YES1: variants seen among roughly 807,000 people sequenced by gnomAD.
YES1 encodes tyrosine-protein kinase Yes.
Under a neutral mutation model 70.4 loss-of-function variants are expected in YES1, and 39 were observed. The observed-to-expected ratio is 0.55, with a 90% CI of 0.43 to 0.72. The LOEUF is 0.72. Among genes scored for constraint, YES1 ranks in the 30% least tolerant of loss-of-function variants. The pLI is 0.00. For synonymous variants in YES1, 198 were observed against 218.6 expected (o/e 0.91, Z 0.83); for missense variants, 495 against 644.8 (o/e 0.77, Z 2.52).
At chr18:744,555 A>G (rs2080255671) in intron 6 of YES1, among the ~76,000 whole-genome samples, 1 of 150,880 alleles carries the variant, frequency 6.6e-6, no homozygotes, top group Admixed American at 6.6e-5. Flanking sequence ...ACGCCTGGCT[A>G]AATTTTTTTA....
intron 1 of YES1, among the ~76,000 whole-genome samples, chr18:773,544 C>T (rs1347692607): frequency 2.0e-5 from 3 of 152,138 alleles, no homozygotes; most frequent in Admixed American, 6.6e-5. Flanking sequence ...AATTAAAAGG[C>T]TGGTAAGACA....
chr18:764,380 G>A (rs1358388365), intron 1 of YES1, among the ~76,000 whole-genome samples: 1 of 151,812 alleles, frequency 6.6e-6, no homozygotes, highest in African/African-American at 2.4e-5. Context: ...GTGCCACCAT[G>A]CCCGGCTAAT....
chr18:764,667 C>G (rs1904774789), intron 1 of YES1, among the ~76,000 whole-genome samples: 1 of 152,142 alleles, frequency 6.6e-6, no homozygotes, highest in Non-Finnish European at 1.5e-5. Context: ...GTTTAAAGCT[C>G]AGAAAAAGAT....
chr18:808,243 CGG>C (rs1042491334), intron 1 of YES1, among the ~76,000 whole-genome samples: 1 of 152,140 alleles, frequency 6.6e-6, no homozygotes, highest in Non-Finnish European at 1.5e-5. Context: ...ACGATATTGG[CGG>C]CAGCACTGGC....
intron 8 of YES1, among the ~76,000 whole-genome samples, 172 bp from the exon 9 acceptor site, chr18:739,983 C>A (rs2080198898): frequency 6.6e-6 from 1 of 152,066 alleles, no homozygotes; most frequent in South Asian, 2.1e-4. Flanking sequence ...GAAGAGGTCT[C>A]TAAGCTGAAA....
Position 799,107 on chromosome 18 carries a change from G to A in YES1, c.-9+13007C>T, listed in dbSNP as rs150235774. Reference sequence around the variant, plus strand: ...TTGCTTTATACCAATACTGTAACCCGAATTAAGATACCATCGATGCCCATA... The same window carrying A: ...TTGCTTTATACCAATACTGTAACCCAAATTAAGATACCATCGATGCCCATA... On this transcript the variant is annotated intron_variant, in intron 1 of 11. Transcript: ENST00000314574. 2.5e-3 allele frequency among the ~76,000 whole-genome samples: 374 copies of A among 152,226 alleles called. 2 individuals carry two copies. The highest frequency in any genetic ancestry group is 8.2e-3 in the African/African-American group (342 of 41,536).
At chr18:760,683 A>G (rs1288005631) in intron 1 of YES1, among the ~76,000 whole-genome samples, 1 of 152,206 alleles carries the variant, frequency 6.6e-6, no homozygotes, top group East Asian at 1.9e-4. Flanking sequence ...AGGAATTATA[A>G]GCTAAATATA....
chr18:725,490 A>G (rs1231111707), intron 11 of YES1, among the ~76,000 whole-genome samples: 1 of 152,172 alleles, frequency 6.6e-6, no homozygotes, highest in African/African-American at 2.4e-5. Flanking sequence ...CTCAAAATAC[A>G]TTTTTTAAAC....
At chr18:750,983 ATTG>A (rs749931620) in intron 3 of YES1, among the ~76,000 whole-genome samples, 18 of 152,172 alleles carry the variant, frequency 1.2e-4, no homozygotes, top group Non-Finnish European at 1.8e-4. Context: ...TCAATGAATG[ATTG>A]TTGTTATCAT....
chr18:798,883 C>T (rs1005901318), intron 1 of YES1, among the ~76,000 whole-genome samples: 2 of 150,982 alleles, frequency 1.3e-5, no homozygotes, highest in African/African-American at 2.4e-5. Flanking sequence ...AATATAAACC[C>T]GAGATGACAT....
chr18:736,607 G>A, intron 10 of YES1: 1 of 576,336 alleles, frequency 1.7e-6, no homozygotes, highest in Non-Finnish European at 2.9e-6. Context: ...ATAATGCAAA[G>A]GATACCTAGT....
chr18:811,712 C>G (rs1009955784), intron 1 of YES1, among the ~76,000 whole-genome samples: 2 of 152,248 alleles, frequency 1.3e-5, no homozygotes, highest in African/African-American at 4.8e-5. Context: ...ACACAGACCC[C>G]CAGCCTTTAG....
At chr18:774,758 A>G (rs1905297102) in intron 1 of YES1, among the ~76,000 whole-genome samples, 2 of 152,194 alleles carry the variant, frequency 1.3e-5, no homozygotes, top group Admixed American at 1.3e-4. Context: ...TTTTACAGGC[A>G]TGTCTCACAG....
At chr18:780,423 T>G (rs1905601304) in intron 1 of YES1, among the ~76,000 whole-genome samples, 1 of 151,998 alleles carries the variant, frequency 6.6e-6, no homozygotes, top group South Asian at 2.1e-4. Flanking sequence ...GGAAGAGAGA[T>G]CTTAGCTTAG....
At chr18:763,074 G>C (rs1358999297) in intron 1 of YES1, among the ~76,000 whole-genome samples, 1 of 152,212 alleles carries the variant, frequency 6.6e-6, no homozygotes, top group Non-Finnish European at 1.5e-5. Flanking sequence ...AGAATGAAAA[G>C]TGTACAGAAT....
Position 767,454 on chromosome 18 carries a change from T to C in YES1, c.-8-10619A>G, listed in dbSNP as rs1904965694. 2.0e-5 allele frequency among the ~76,000 whole-genome samples: 3 copies of C among 152,050 alleles called. No individual in the cohort carries two copies. In the South Asian group the frequency reaches 6.2e-4, roughly 32 times the overall value. On this transcript the variant is annotated intron_variant, in intron 1 of 11. Transcript: ENST00000314574. ...ACATAAGCCACAATGCCCGGCCCCATGTTCAATTTTTTAAAACTCGATATC... is the reference window on the plus strand; with the variant it reads ...ACATAAGCCACAATGCCCGGCCCCACGTTCAATTTTTTAAAACTCGATATC...
intron 1 of YES1, among the ~76,000 whole-genome samples, chr18:782,660 T>A (rs909147443): frequency 9.2e-5 from 14 of 152,216 alleles, no homozygotes; most frequent in Admixed American, 9.2e-4. Flanking sequence ...GACATCAATA[T>A]AAAACATGTA....
chr18:811,004 G>T (rs1163988630), intron 1 of YES1, among the ~76,000 whole-genome samples: 14 of 152,164 alleles, frequency 9.2e-5, no homozygotes, highest in Non-Finnish European at 2.9e-5. Context: ...GCACAGTCAC[G>T]TGTATACATT....
chr18:743,069 T>G lies in YES1; in HGVS notation c.909A>C (p.Ala303=). ...TTGTACCTGGTTTTAGTGTTTTGAT[T>G]GCTACTTTCGTGGTTCCATTCCATG... ...MGTWNGTTKV[A]IKTLKPGTMM... is the part of the protein sequence containing the mutation. The change falls in exon 8 of 12, where the codon GCA becomes GCC. Residue 303 remains alanine, a synonymous_variant. Coordinates refer to ENST00000314574, the MANE Select transcript of YES1 (RefSeq NM_005433.4). 5.6e-6 allele frequency: 9 copies of G among 1,601,568 alleles called. No homozygotes were observed. Among genetic ancestry groups the G allele is most frequent in the Non-Finnish European group, 7.6e-6 (9 of 1,176,956 alleles).
Sources: gnomAD v4.1 joint callset for allele counts (sites outside exome capture counted in the v4.1 genomes callset) on GRCh38, gnomAD v4.1.1 for gene constraint, MANE v1.5 for transcripts, NCBI Gene and HGNC (gene_info 2026-07-23, HGNC 2026-07-21) for gene names.